RSU1: variants seen among roughly 807,000 people sequenced by gnomAD.
RSU1 encodes Ras suppressor protein 1, also known as rsu-1.
In RSU1, 26 loss-of-function variants were observed where a neutral mutation model predicts 31.1. The ratio of observed to expected loss-of-function variants is 0.84; its 90% confidence interval spans 0.61 to 1.16. RSU1 has a LOEUF of 1.16. RSU1 is among the 50% of genes most tolerant of loss of function. The pLI is 0.00. For synonymous variants in RSU1, 164 were observed against 136.3 expected (o/e 1.20, Z -1.41); for missense variants, 320 against 339.1 (o/e 0.94, Z 0.44).
intron 1 of RSU1, 57 bp from the exon 2 acceptor site, chr10:16,817,141 G>A (rs892107253): frequency 1.6e-6 from 2 of 1,276,214 alleles, no homozygotes; most frequent in Non-Finnish European, 1.1e-6. Flanking sequence ...GAGGCGGAAA[G>A]GCAAGAGGCC....
chr10:16,654,269 T>C lies in RSU1; in HGVS notation c.731+40754A>G, dbSNP rs772589230. Among the ~76,000 whole-genome samples, 79 of 149,688 alleles carry C rather than the reference T, an allele frequency of 5.3e-4. 1 individual carries two copies. The highest frequency in any genetic ancestry group is 4.7e-3 in the Admixed American group (70 of 14,902). On this transcript the variant is annotated intron_variant, in intron 8 of 8. Transcript: ENST00000345264. The stretch of plus-strand genomic sequence containing the variant: ...CAGCTCACCTCGGCCTCCCAAAGCA[T>C]TGGGATTACAAGTGTGTGCCACCGC...
At chr10:16,811,498 C>T (rs1274878335) in intron 2 of RSU1, among the ~76,000 whole-genome samples, 1 of 152,248 alleles carries the variant, frequency 6.6e-6, no homozygotes, top group South Asian at 2.1e-4. Context: ...GGTCAAGCAA[C>T]TTGCCCAAGG....
Position 16,736,484 on chromosome 10 carries a change from C to T in RSU1, c.598+16055G>A, listed in dbSNP as rs1588502893. ...ACTAGTAAGGACCAAGTCTAACAGG[C>T]ATTAAAAACCAGCCCTGAAAGAATC... On this transcript the variant is annotated intron_variant, in intron 7 of 8. Transcript: ENST00000345264. Among the ~76,000 whole-genome samples, 5 of 150,874 alleles carry T rather than the reference C, an allele frequency of 3.3e-5. No homozygotes were observed. In the East Asian group the frequency reaches 1.0e-3, roughly 30 times the overall value.
intron 8 of RSU1, among the ~76,000 whole-genome samples, chr10:16,612,910 A>G (rs1267190253): frequency 1.4e-5 from 2 of 145,626 alleles, no homozygotes; most frequent in African/African-American, 5.1e-5. Flanking sequence ...CCCCCTGGTT[A>G]TTTGTCCCCT....
intron 8 of RSU1, among the ~76,000 whole-genome samples, chr10:16,686,617 A>G (rs535656174): frequency 1.3e-5 from 2 of 152,148 alleles, no homozygotes; most frequent in Non-Finnish European, 2.9e-5. Flanking sequence ...TTGATACTGT[A>G]ATGTATCATG....
At chr10:16,668,923 T>C (rs1307659170) in intron 8 of RSU1, among the ~76,000 whole-genome samples, 4 of 152,212 alleles carry the variant, frequency 2.6e-5, no homozygotes, top group African/African-American at 9.7e-5. Context: ...GGTTATATGT[T>C]TAAGGTTACC....
At chr10:16,701,600 G>A (rs1835795270) in intron 7 of RSU1, among the ~76,000 whole-genome samples, 1 of 149,328 alleles carries the variant, frequency 6.7e-6, no homozygotes, top group Non-Finnish European at 1.5e-5. Flanking sequence ...TCTAGTCGGG[G>A]AAGATAGTAC....
intron 8 of RSU1, among the ~76,000 whole-genome samples, chr10:16,673,791 C>G (rs1308464535): frequency 6.6e-6 from 1 of 152,202 alleles, no homozygotes; most frequent in African/African-American, 2.4e-5. Flanking sequence ...ATGCTCGCTT[C>G]TGCCTAGGTC....
chr10:16,726,223 T>C (rs961977888), intron 7 of RSU1, among the ~76,000 whole-genome samples: 19 of 152,000 alleles, frequency 1.3e-4, no homozygotes, highest in African/African-American at 4.1e-4. Flanking sequence ...TCAATATAGT[T>C]ACCTGCTTCT....
intron 3 of RSU1, among the ~76,000 whole-genome samples, chr10:16,775,073 G>A (rs966566512): frequency 1.3e-5 from 2 of 152,112 alleles, no homozygotes; most frequent in African/African-American, 4.8e-5. Flanking sequence ...GAGAAGAGAT[G>A]CTCTACAAGA....
At chr10:16,810,014 T>G (rs1368364501) in intron 2 of RSU1, among the ~76,000 whole-genome samples, 1 of 149,170 alleles carries the variant, frequency 6.7e-6, no homozygotes, top group Non-Finnish European at 1.5e-5. Flanking sequence ...GTGAATCACC[T>G]GAGGTCAGGA....
At chr10:16,803,183 T>G (rs1487109318) in intron 2 of RSU1, among the ~76,000 whole-genome samples, 1 of 152,150 alleles carries the variant, frequency 6.6e-6, no homozygotes, top group Non-Finnish European at 1.5e-5. Flanking sequence ...GTTTGCAGGA[T>G]ACAAGGTAAT....
chr10:16,621,682 G>C (rs566761716), intron 8 of RSU1, among the ~76,000 whole-genome samples: 14 of 152,214 alleles, frequency 9.2e-5, no homozygotes, highest in African/African-American at 3.1e-4. Flanking sequence ...GCTTGTGCTG[G>C]GGAACCCCTC....
At chr10:16,778,169 T>C (rs184939965) in intron 3 of RSU1, among the ~76,000 whole-genome samples, 132 of 152,076 alleles carry the variant, frequency 8.7e-4, no homozygotes, top group African/African-American at 3.1e-3. Context: ...GCCTGGCTCA[T>C]GTTTTTTTTA....
At chr10:16,718,367 C>G (rs1428128778) in intron 7 of RSU1, among the ~76,000 whole-genome samples, 1 of 152,064 alleles carries the variant, frequency 6.6e-6, no homozygotes, top group Non-Finnish European at 1.5e-5. Flanking sequence ...AAATAACAAC[C>G]TTAGGCAGTA....
chr10:16,761,066 C>G (rs1371349122), intron 4 of RSU1, among the ~76,000 whole-genome samples: 1 of 152,146 alleles, frequency 6.6e-6, no homozygotes, highest in African/African-American at 2.4e-5. Flanking sequence ...CTCAGCCTCC[C>G]AGGTAGAGTA....
intron 7 of RSU1, among the ~76,000 whole-genome samples, chr10:16,718,558 A>C (rs1836190932): frequency 6.6e-6 from 1 of 152,212 alleles, no homozygotes; most frequent in African/African-American, 2.4e-5. Context: ...TCCCCTAGCC[A>C]ATGATGACAA....
At chr10:16,787,114 T>A (rs1298326081) in intron 2 of RSU1, among the ~76,000 whole-genome samples, 1 of 152,134 alleles carries the variant, frequency 6.6e-6, no homozygotes, top group Non-Finnish European at 1.5e-5. Flanking sequence ...GGACACGTGT[T>A]GATGGTTCAT....
At chr10:16,624,543 C>A (rs1834123421) in intron 8 of RSU1, among the ~76,000 whole-genome samples, 1 of 152,114 alleles carries the variant, frequency 6.6e-6, no homozygotes, top group South Asian at 2.1e-4. Flanking sequence ...GGGTATGATA[C>A]CCTCCCATCA....
Sources: gnomAD v4.1 joint callset for allele counts (sites outside exome capture counted in the v4.1 genomes callset) on GRCh38, gnomAD v4.1.1 for gene constraint, MANE v1.5 for transcripts, NCBI Gene and HGNC (gene_info 2026-07-23, HGNC 2026-07-21) for gene names.